CWC27: variants seen among roughly 807,000 people sequenced by gnomAD.
The protein encoded by CWC27 is spliceosome-associated protein CWC27 homolog.
In CWC27, 47 loss-of-function variants were observed where a neutral mutation model predicts 63.6. The ratio of observed to expected loss-of-function variants is 0.74; its 90% confidence interval spans 0.58 to 0.94. The LOEUF (loss-of-function observed/expected upper bound fraction) is 0.94, where lower values mean the gene tolerates loss of function less well. Among genes scored for constraint, CWC27 ranks in the 40% least tolerant of loss-of-function variants. CWC27 has a pLI of 0.00. For synonymous variants in CWC27, 175 were observed against 179.8 expected (o/e 0.97, Z 0.22); for missense variants, 495 against 554.3 (o/e 0.89, Z 1.07).
At chr5:64,817,250 C>T (rs1745063789) in intron 10 of CWC27, among the ~76,000 whole-genome samples, 1 of 152,130 alleles carries the variant, frequency 6.6e-6, no homozygotes, top group Admixed American at 6.6e-5. Context: ...TCTTTTTGTT[C>T]AGTCCCTTGC....
intron 7 of CWC27, 124 bp from the exon 8 acceptor site, chr5:64,800,124 T>A (rs1262846657): frequency 1.8e-6 from 1 of 553,736 alleles, no homozygotes; most frequent in East Asian, 3.3e-5. Context: ...TATTAAACTT[T>A]TCAGGAATAC....
chr5:64,783,704 C>A, intron 3 of CWC27, 132 bp from the exon 4 acceptor site: 1 of 741,328 alleles, frequency 1.3e-6, no homozygotes, highest in Non-Finnish European at 2.1e-6. Context: ...ATAGTAAATA[C>A]TTGAAAATCA....
intron 13 of CWC27, among the ~76,000 whole-genome samples, chr5:64,979,278 A>T (rs963758046): frequency 6.6e-6 from 1 of 152,218 alleles, no homozygotes; most frequent in African/African-American, 2.4e-5. Context: ...GGGCGTTCAT[A>T]TCTGCTTTCA....
chr5:64,982,069 G>T (rs1386903308), intron 13 of CWC27, among the ~76,000 whole-genome samples: 1 of 152,134 alleles, frequency 6.6e-6, no homozygotes. Context: ...CTTTCCTTTG[G>T]AGTTAGCATA....
intron 10 of CWC27, among the ~76,000 whole-genome samples, chr5:64,854,309 C>T (rs1561435631): frequency 6.6e-6 from 1 of 152,226 alleles, no homozygotes; most frequent in Non-Finnish European, 1.5e-5. Context: ...TATACCTAGA[C>T]TTGGGATTGC....
intron 10 of CWC27, chr5:64,808,005 A>C (rs1192622023): frequency 3.0e-6 from 4 of 1,348,430 alleles, no homozygotes; most frequent in Non-Finnish European, 3.8e-6. Context: ...GCTACTTTCC[A>C]TTTTTTTTTC....
At chr5:64,888,056 G>A (rs964825062) in intron 11 of CWC27, among the ~76,000 whole-genome samples, 3 of 151,736 alleles carry the variant, frequency 2.0e-5, no homozygotes, top group South Asian at 2.1e-4. Context: ...ACAGTACTCC[G>A]ATTAGAGTAA....
intron 13 of CWC27, among the ~76,000 whole-genome samples, chr5:65,002,233 A>G (rs1749744287): frequency 6.6e-6 from 1 of 151,630 alleles, no homozygotes; most frequent in African/African-American, 2.4e-5. Flanking sequence ...CAATTTATCT[A>G]TTTTGTTTAT....
intron 10 of CWC27, among the ~76,000 whole-genome samples, chr5:64,812,949 G>C (rs1481823346): frequency 6.6e-6 from 1 of 151,992 alleles, no homozygotes; most frequent in Non-Finnish European, 1.5e-5. Flanking sequence ...GATTTAAAAG[G>C]GTTGAACAAA....
At chr5:64,940,300 A>T (rs1264869530) in intron 11 of CWC27, among the ~76,000 whole-genome samples, 1 of 152,116 alleles carries the variant, frequency 6.6e-6, no homozygotes, top group Non-Finnish European at 1.5e-5. Context: ...GGAAAAGCTT[A>T]GTATCTGGGC....
chr5:64,865,651 T>C (rs1177493247), intron 10 of CWC27, among the ~76,000 whole-genome samples: 4 of 152,124 alleles, frequency 2.6e-5, no homozygotes, highest in African/African-American at 7.2e-5. Flanking sequence ...GAAGATGGTT[T>C]AATTTTTGGT....
At chr5:65,015,099 C>A (rs1307627164) in intron 13 of CWC27, among the ~76,000 whole-genome samples, 1 of 152,060 alleles carries the variant, frequency 6.6e-6, no homozygotes, top group Admixed American at 6.6e-5. Context: ...GTAAGGAAAT[C>A]TGTTTCTTCT....
At chr5:64,853,805 G>A (rs1746193460) in intron 10 of CWC27, among the ~76,000 whole-genome samples, 1 of 152,156 alleles carries the variant, frequency 6.6e-6, no homozygotes, top group African/African-American at 2.4e-5. Flanking sequence ...CTTCAAAACT[G>A]GGGATGACAT....
intron 13 of CWC27, among the ~76,000 whole-genome samples, chr5:65,002,845 T>G (rs1053197946): frequency 1.3e-5 from 2 of 152,182 alleles, no homozygotes; most frequent in African/African-American, 4.8e-5. Flanking sequence ...TCCGTATTCA[T>G]TTTCTGTCTA....
At chr5:64,867,938 T>TGG (rs34263129) in intron 10 of CWC27, among the ~76,000 whole-genome samples, 52 of 148,634 alleles carry the variant, frequency 3.5e-4, no homozygotes, top group Non-Finnish European at 3.9e-4. Flanking sequence ...TTGTTGTGTT[T>TGG]GGGGGGGGGG....
intron 2 of CWC27, 96 bp from the exon 3 acceptor site, chr5:64,781,825 G>T: frequency 3.6e-6 from 2 of 558,744 alleles, no homozygotes; most frequent in South Asian, 4.1e-5. Flanking sequence ...TTAACATTCT[G>T]GAAAATAAAT....
At chr5:64,823,062 A>T (rs913124611) in intron 10 of CWC27, among the ~76,000 whole-genome samples, 1 of 152,090 alleles carries the variant, frequency 6.6e-6, no homozygotes, top group African/African-American at 2.4e-5. Context: ...TTTGCTAGAA[A>T]TGAGATCTGA....
chr5:64,824,705 G>T (rs1346653773), intron 10 of CWC27, among the ~76,000 whole-genome samples: 1 of 150,082 alleles, frequency 6.7e-6, no homozygotes, highest in Non-Finnish European at 1.5e-5. Context: ...GCACCCCCCA[G>T]GGGAAGTGTT....
chr5:64,854,538 A>G (rs527419809), intron 10 of CWC27, among the ~76,000 whole-genome samples: 1 of 152,344 alleles, frequency 6.6e-6, no homozygotes, highest in Non-Finnish European at 1.5e-5. Flanking sequence ...TGTGCAAAAA[A>G]CTATACATAA....
Sources: gnomAD v4.1 joint callset for allele counts (sites outside exome capture counted in the v4.1 genomes callset) on GRCh38, gnomAD v4.1.1 for gene constraint, MANE v1.5 for transcripts, NCBI Gene and HGNC (gene_info 2026-07-23, HGNC 2026-07-21) for gene names.